Variants in CHLSN observed in about 807,000 individuals in gnomAD.
CHLSN encodes the protein protein cholesin.
chr7:1,106,353 C>A, the CHLSN span, among the ~76,000 whole-genome samples: 2 of 152,216 alleles, frequency 1.3e-5, no homozygotes, highest in Non-Finnish European at 2.9e-5. Context: ...CCCAGAGACA[C>A]GTCCTTCCAG....
At chr7:1,000,017 C>G in the CHLSN span, among the ~76,000 whole-genome samples, 2 of 152,246 alleles carry the variant, frequency 1.3e-5, no homozygotes, top group African/African-American at 4.8e-5. Context: ...CATGCACACA[C>G]GCACGTGTAG....
At chr7:1,108,720 C>T in the CHLSN span, among the ~76,000 whole-genome samples, 2 of 152,156 alleles carry the variant, frequency 1.3e-5, no homozygotes, top group Non-Finnish European at 2.9e-5. Context: ...TGAGATCACC[C>T]GGGTTGCCGT....
At chr7:1,090,322 G>C in the CHLSN span, among the ~76,000 whole-genome samples, 1 of 152,234 alleles carries the variant, frequency 6.6e-6, no homozygotes, top group Non-Finnish European at 1.5e-5. Context: ...AGTGTCTGCA[G>C]GCTGAGACCC....
At chr7:1,091,398 C>T in the CHLSN span, 1 of 267,978 alleles carries the variant, frequency 3.7e-6, no homozygotes, top group East Asian at 6.6e-5. Context: ...TCTCCTGTTG[C>T]TTCTCCAGGT....
chr7:987,464 C>T, the CHLSN span: 150 of 1,564,490 alleles, frequency 9.6e-5, 1 homozygote, highest in Middle Eastern at 1.0e-3. Flanking sequence ...CGGTTCATCA[C>T]GCTCCTGCCG....
At chr7:1,042,445 G>T in the CHLSN span, among the ~76,000 whole-genome samples, 1 of 152,228 alleles carries the variant, frequency 6.6e-6, no homozygotes, top group South Asian at 2.1e-4. Flanking sequence ...CTTGTACAGG[G>T]GCTGGCCAGG....
the CHLSN span, among the ~76,000 whole-genome samples, chr7:1,052,902 A>G: frequency 3.3e-5 from 5 of 152,106 alleles, no homozygotes; most frequent in Admixed American, 2.0e-4. This position sits in a 1 kb window ranked among gnomAD's most constrained non-coding sequence, Gnocchi z 4.2. Flanking sequence ...CCGCCACAAC[A>G]AACTCAGGCT....
chr7:988,263 G>A, the CHLSN span: 100 of 1,563,342 alleles, frequency 6.4e-5, no homozygotes, highest in Non-Finnish European at 7.8e-5. Context: ...TCTGTGCCCC[G>A]GCTGCCCCCA....
the CHLSN span, among the ~76,000 whole-genome samples, chr7:1,001,422 C>A: frequency 7.9e-6 from 1 of 126,920 alleles, no homozygotes; most frequent in Non-Finnish European, 1.6e-5. Flanking sequence ...TGAGTGGAGT[C>A]CTGTGGGTGG....
the CHLSN span, among the ~76,000 whole-genome samples, chr7:1,095,003 T>C: frequency 1.3e-5 from 2 of 151,882 alleles, no homozygotes; most frequent in Non-Finnish European, 2.9e-5. Context: ...GAAGTGGAGA[T>C]TGCTGTGGGG....
chr7:1,028,006 C>T, the CHLSN span, among the ~76,000 whole-genome samples: 1 of 124,986 alleles, frequency 8.0e-6, no homozygotes, highest in Non-Finnish European at 1.7e-5. Flanking sequence ...GGCCCTGCGC[C>T]CCCAGGAGAG....
At chr7:1,051,814 C>T in the CHLSN span, among the ~76,000 whole-genome samples, 93 of 152,268 alleles carry the variant, frequency 6.1e-4, 1 homozygote, top group East Asian at 0.016. Context: ...TCTCAAAAAA[C>T]GTTAAATGAA....
At chr7:1,022,582 C>A in the CHLSN span, among the ~76,000 whole-genome samples, 9 of 152,202 alleles carry the variant, frequency 5.9e-5, no homozygotes, top group African/African-American at 2.2e-4. Context: ...CCCACGGCAA[C>A]CCTCGCAGAG....
the CHLSN span, chr7:1,092,285 T>A: frequency 6.2e-7 from 1 of 1,611,918 alleles, no homozygotes; most frequent in Non-Finnish European, 8.5e-7. Context: ...ATGGCATCCG[T>A]GTCAGCCACG....
At chr7:1,129,992 G>A in the CHLSN span, among the ~76,000 whole-genome samples, 1 of 152,236 alleles carries the variant, frequency 6.6e-6, no homozygotes, top group South Asian at 2.1e-4. Flanking sequence ...CAAAGCTGTG[G>A]CACCACACGG....
the CHLSN span, among the ~76,000 whole-genome samples, chr7:1,116,722 G>C: frequency 1.9e-5 from 1 of 53,626 alleles, no homozygotes; most frequent in Admixed American, 1.7e-4. Context: ...CATCACCGAC[G>C]TCCACGCAGG....
the CHLSN span, among the ~76,000 whole-genome samples, chr7:1,023,912 T>A: frequency 6.6e-6 from 1 of 152,074 alleles, no homozygotes; most frequent in Non-Finnish European, 1.5e-5. The surrounding 1 kb of genome is among the most constrained non-coding windows in gnomAD (Gnocchi z 5.0). Context: ...ACCATCACAG[T>A]TTACTGCAGC....
chr7:1,038,228 G>T, the CHLSN span, among the ~76,000 whole-genome samples: 2 of 89,706 alleles, frequency 2.2e-5, 1 homozygote, highest in Non-Finnish European at 5.0e-5. Flanking sequence ...CCCCCGACCG[G>T]CCAGCCGTGC....
the CHLSN span, chr7:988,954 C>A: frequency 3.4e-5 from 21 of 621,494 alleles, no homozygotes; most frequent in South Asian, 4.1e-5. Flanking sequence ...CACCCCCACC[C>A]CCACAGGGTC....
Sources: allele counts gnomAD v4.1 joint callset (sites outside exome capture counted in the v4.1 genomes callset), GRCh38; gene constraint gnomAD v4.1.1; non-coding constraint Gnocchi (gnomAD v3.1); transcripts MANE v1.5; gene names NCBI Gene and HGNC (gene_info 2026-07-23, HGNC 2026-07-21).